Variants in UBN2 observed in about 807,000 individuals in gnomAD.
UBN2 encodes ubinuclein 2.
UBN2 carries 35 observed loss-of-function variants against 120.2 expected under a neutral mutation model. The ratio of observed to expected loss-of-function variants is 0.29; its 90% confidence interval spans 0.22 to 0.39. The LOEUF is 0.39. UBN2 is among the 10% of genes least tolerant of loss of function. UBN2 has a pLI of 1.00. For synonymous variants in UBN2, 661 were observed against 648.7 expected (o/e 1.02, Z -0.29); for missense variants, 1,693 against 1,663.2 (o/e 1.02, Z -0.31).
chr7:139,237,206 C>T (rs965204926), intron 2 of UBN2, 109 bp downstream of exon 2: 18 of 604,892 alleles, frequency 3.0e-5, no homozygotes, highest in African/African-American at 1.7e-4. Context: ...TTACTTTGTT[C>T]TCACCAATGG....
At chr7:139,326,166 G>T in the UBN2 span, among the ~76,000 whole-genome samples, 2 of 152,176 alleles carry the variant, frequency 1.3e-5, no homozygotes, top group Non-Finnish European at 2.9e-5. Context: ...TGAGGCAGGA[G>T]AATCGCTTGA....
intron 2 of UBN2, among the ~76,000 whole-genome samples, chr7:139,238,984 A>T (rs116399363): frequency 0.011 from 1,715 of 152,318 alleles, 39 homozygotes; most frequent in African/African-American, 0.039. Flanking sequence ...TGTTTTTTAT[A>T]CAAGTTATAC....
At chr7:139,266,063 T>TC (rs1470061604) in intron 6 of UBN2, among the ~76,000 whole-genome samples, 1 of 151,606 alleles carries the variant, frequency 6.6e-6, no homozygotes, top group African/African-American at 2.4e-5. Context: ...GGAGATTCTT[T>TC]TTTTTTTTTT....
chr7:139,251,990 T>C lies in UBN2; in HGVS notation c.596T>C (p.Leu199Pro). 6.2e-7 allele frequency: 1 copy of C among 1,614,184 alleles called. No homozygotes were observed. The highest frequency in any genetic ancestry group is 8.5e-7 in the Non-Finnish European group (1 of 1,180,014). The change falls in exon 3 of 18, where the codon CTA becomes CCA. Residue 199 changes from leucine to proline, a missense_variant. Leu to Pro is a moderately conservative substitution (Grantham distance 98, BLOSUM62 -3). Coordinates refer to ENST00000473989, the MANE Select transcript of UBN2 (RefSeq NM_173569.4). The stretch of plus-strand genomic sequence containing the variant: ...CCCCGTAAACACCGGAAGGATCGGC[T>C]ACAAGATTTAATTGATATAGGCTTT... ...GKPRKHRKDR[L>P]QDLIDIGFGY...
At chr7:139,267,847 C>T (rs566864361) in intron 7 of UBN2, among the ~76,000 whole-genome samples, 3 of 151,994 alleles carry the variant, frequency 2.0e-5, no homozygotes, top group South Asian at 2.1e-4. Flanking sequence ...GTCTTTTCTG[C>T]GTGGCAGCCA....
In UBN2 at chr7:139,266,365, A is replaced by G. The variant is rs898798753; in HGVS notation, c.1428A>G (p.Lys476=). The G allele has an allele frequency of 1.9e-5, 30 of 1,582,892 alleles. No individual in the cohort carries two copies. The highest frequency in any genetic ancestry group is 2.3e-5 in the Non-Finnish European group (27 of 1,159,490). ...AAKLFDEEGR[K]KFFTQDMNNI... ...AACTTTTTGATGAAGAAGGAAGGAA[A>G]AAATTCTTTACACAGGATATGAATA... is the stretch of plus-strand genomic sequence containing the variant. Residue 476 remains lysine (K), a synonymous_variant, in exon 7 of 18, where the codon AAA becomes AAG. Coordinates refer to ENST00000473989, the MANE Select transcript of UBN2 (RefSeq NM_173569.4).
intron 15 of UBN2, among the ~76,000 whole-genome samples, chr7:139,289,590 T>C (rs1240407184): frequency 3.3e-5 from 5 of 151,942 alleles, no homozygotes; most frequent in Admixed American, 3.3e-4. Context: ...TTTTGTATTT[T>C]TAGTAGAGAC....
Position 139,231,837 on chromosome 7 carries a change from AGCCGCCGCG to A in UBN2, c.361_369del (p.Pro122_Arg124del). 3.9e-6 allele frequency: 6 copies of A among 1,531,848 alleles called. No individual in the cohort carries two copies. The highest frequency in any genetic ancestry group is 5.2e-6 in the Non-Finnish European group (6 of 1,146,504). 94.9% of individuals were successfully genotyped at this position (1,531,848 alleles called of 1,614,324 possible). ...CGGGAGTCGGCTTCCCGGGCTGAGC[AGCCGCCGCG>A]GCCGCCGAGGGAGACGGTGCGCCTG... On this transcript the variant is annotated inframe_deletion, in exon 1 of 18. Transcript: ENST00000473989.
intron 2 of UBN2, among the ~76,000 whole-genome samples, chr7:139,248,771 T>C (rs1209256726): frequency 2.0e-5 from 3 of 152,024 alleles, no homozygotes; most frequent in Non-Finnish European, 2.9e-5. Context: ...GGTGAAATCA[T>C]CCCTCATGTC....
rs1311277598 is a variant in UBN2 at position 139,284,452 on chromosome 7, G to A, written c.3547G>A (p.Ala1183Thr). ...SRGSNLNSSGANRTSLSGGTG... is the reference protein window; with the variant it reads ...SRGSNLNSSGTNRTSLSGGTG... ...AGGTAGCAACCTTAACTCAAGCGGA[G>A]CTAATAGGACTAGTCTGTCTGGGGG... Residue 1183 changes from alanine (A) to threonine (T), a missense_variant, in exon 15 of 18, where the codon GCT (alanine) becomes ACT (threonine). Around this residue, in one of 5 missense-constraint regions of UBN2, gnomAD observed 837 missense variants for 817.6 expected, o/e 1.02. Coordinates refer to ENST00000473989, the MANE Select transcript of UBN2 (RefSeq NM_173569.4). 1.2e-6 allele frequency: 2 copies of A among 1,614,182 alleles called. No individual in the cohort carries two copies. The highest frequency in any genetic ancestry group is 3.3e-5 in the Admixed American group (2 of 60,018).
Position 139,304,706 on chromosome 7 carries a change from G to GGGGT in UBN2, c.*6871_*6872insGGTG, listed in dbSNP as rs1554480228. On this transcript the variant is annotated 3_prime_UTR_variant, in exon 18 of 18. Transcript: ENST00000473989. Reference sequence around the variant, plus strand: ...AGGTCCACTGAATCTCTAATGATAGGGTGTGTGTGTGTGTGTGTGTGTGTG... The same window carrying GGGGT: ...AGGTCCACTGAATCTCTAATGATAGGGGGTGTGTGTGTGTGTGTGTGTGTGTGTG... 18 of 140,390 alleles carry GGGGT rather than the reference G, an allele frequency of 1.3e-4. No individual in the cohort carries two copies. The highest frequency in any genetic ancestry group is 4.5e-4 in the African/African-American group (17 of 38,034). The allele number at this position is 140,390 out of a possible 1,614,324, so 8.7% of individuals were successfully genotyped here.
chr7:139,297,848 G>GC lies in UBN2; in HGVS notation c.*13dup. On this transcript the variant is annotated 3_prime_UTR_variant, in exon 18 of 18. Transcript: ENST00000473989. ...GGAAATCTCAGTGACTGCCCAGCAA[G>GC]CAAAGGAGACGAAATGTTTAGTTGA... is the stretch of plus-strand genomic sequence containing the variant. The GC allele has an allele frequency of 1.9e-6, 3 of 1,614,044 alleles. No homozygotes were observed. Among genetic ancestry groups the GC allele is most frequent in the Non-Finnish European group, 2.5e-6 (3 of 1,179,942 alleles).
chr7:139,273,240 A>G, intron 9 of UBN2, 57 bp from the exon 10 acceptor site: 9 of 1,147,590 alleles, frequency 7.8e-6, no homozygotes, highest in Non-Finnish European at 1.1e-5. Flanking sequence ...TATGGAGCAT[A>G]TTATATAGGC....
Position 139,293,378 on chromosome 7 carries a change from G to A in UBN2, c.3816G>A (p.Glu1272=), listed in dbSNP as rs772953794. ...PVTMPFQFPL[E]IFGFGTDTAG... ...CCATGCCCTTCCAGTTTCCCTTGGA[G>A]ATATTTGGCTTTGGAACGGACACAG... Residue 1272 remains glutamate (E), a synonymous_variant, in exon 16 of 18, where the codon GAG becomes GAA. Transcript: ENST00000473989. 6.2e-7 allele frequency: 1 copy of A among 1,614,126 alleles called. No individual in the cohort carries two copies. Among genetic ancestry groups the A allele is most frequent in the Non-Finnish European group, 8.5e-7 (1 of 1,180,014 alleles).
chr7:139,248,264 A>G (rs1223996553), intron 2 of UBN2, among the ~76,000 whole-genome samples: 1 of 152,176 alleles, frequency 6.6e-6, no homozygotes, highest in East Asian at 1.9e-4. Context: ...TATAACAGTA[A>G]TACTTCATAG....
intron 5 of UBN2, among the ~76,000 whole-genome samples, chr7:139,260,681 T>C (rs976419154): frequency 6.6e-6 from 1 of 152,164 alleles, no homozygotes; most frequent in Non-Finnish European, 1.5e-5. Context: ...ATTACAGTCA[T>C]TAAGAAATTA....
At chr7:139,289,052 CCT>C (rs1419235886) in intron 15 of UBN2, among the ~76,000 whole-genome samples, 1 of 151,574 alleles carries the variant, frequency 6.6e-6, no homozygotes, top group African/African-American at 2.4e-5. Context: ...GCAAGGATTC[CCT>C]TCAATGTTTT....
rs905148740 is a variant in UBN2 at position 139,299,722 on chromosome 7, C to G, written c.*1886C>G. 6.6e-6 allele frequency: 1 copy of G among 152,104 alleles called. No individual in the cohort carries two copies. 9.4% of individuals were successfully genotyped at this position (152,104 alleles called of 1,614,324 possible). ...GGGAGGATGTTGCAGAGAGGTTTGA[C>G]TTGAATTCAGTATGTTTGATGAAGA... is the stretch of plus-strand genomic sequence containing the variant. On this transcript the variant is annotated 3_prime_UTR_variant, in exon 18 of 18. Transcript: ENST00000473989.
chr7:139,264,569 A>T (rs1421120628), intron 6 of UBN2, among the ~76,000 whole-genome samples: 2 of 151,740 alleles, frequency 1.3e-5, no homozygotes, highest in Non-Finnish European at 1.5e-5. Context: ...TTTGACCTAC[A>T]CTATTTTTGT....
Sources: gnomAD v4.1 joint callset for allele counts (sites outside exome capture counted in the v4.1 genomes callset) on GRCh38, gnomAD v4.1.1 for gene constraint, gnomAD v4.1.1 regional missense constraint, MANE v1.5 for transcripts, NCBI Gene and HGNC (gene_info 2026-07-23, HGNC 2026-07-21) for gene names.